LRRN2: variants seen among roughly 807,000 people sequenced by gnomAD.
LRRN2 encodes the protein leucine-rich repeat neuronal protein 2.
Under a neutral mutation model 35.7 loss-of-function variants are expected in LRRN2, and 10 were observed. The observed-to-expected ratio is 0.28, with a 90% CI of 0.17 to 0.47. The LOEUF (loss-of-function observed/expected upper bound fraction) is 0.47. Among genes scored for constraint, LRRN2 ranks in the 20% least tolerant of loss-of-function variants. The pLI is 0.99. For synonymous variants in LRRN2, 391 were observed against 409.6 expected (o/e 0.95, Z 0.55); for missense variants, 731 against 940.3 (o/e 0.78, Z 2.91).
chr1:204,682,600 C>A (rs1344694369), intron 1 of LRRN2, among the ~76,000 whole-genome samples: 1 of 152,220 alleles, frequency 6.6e-6, no homozygotes, highest in Non-Finnish European at 1.5e-5. Flanking sequence ...AGAAGGTTGT[C>A]AGCACGACTG....
At chr1:204,676,241 C>T (rs1174903224) in intron 1 of LRRN2, among the ~76,000 whole-genome samples, 1 of 151,934 alleles carries the variant, frequency 6.6e-6, no homozygotes, top group Non-Finnish European at 1.5e-5. Flanking sequence ...GGTGAGATAG[C>T]ATCTTGTCTT....
At chr1:204,662,667 G>C (rs748801092) in intron 1 of LRRN2, among the ~76,000 whole-genome samples, 7 of 152,204 alleles carry the variant, frequency 4.6e-5, no homozygotes, top group Non-Finnish European at 1.0e-4. Context: ...TTCTATGGAT[G>C]AACAATTGGT....
rs1272542072 is a variant in LRRN2 at position 204,634,707 on chromosome 1, C to T, written c.-226-14489G>A. Reference sequence around the variant, plus strand: ...GAATCCTCCTCTACAGGTTTCAGAGCGAGGATGGCCCTGCCGACACCTTGA... The same window carrying T: ...GAATCCTCCTCTACAGGTTTCAGAGTGAGGATGGCCCTGCCGACACCTTGA... On this transcript the variant is annotated intron_variant, in intron 1 of 1. Coordinates refer to ENST00000367177, the MANE Select transcript of LRRN2 (RefSeq NM_201630.2). Among the ~76,000 whole-genome samples, 7 of 152,252 alleles carry T rather than the reference C, an allele frequency of 4.6e-5. No homozygotes were observed. The East Asian group carries it at 5.8e-4, about 13-fold the overall frequency.
At chr1:204,623,028 T>C (rs868297177) in intron 1 of LRRN2, among the ~76,000 whole-genome samples, 8 of 152,216 alleles carry the variant, frequency 5.3e-5, no homozygotes, top group Admixed American at 2.0e-4. Context: ...TAGGGGACAA[T>C]AGAAGTTGGC....
rs932562500 is a variant in LRRN2 at position 204,620,011 on chromosome 1, G to T, written c.-19C>A. ...GCCTCATGGTGGAGCTGCAGGGCAG[G>T]GGACCATTCACAAGAAGAGTCTGGA... On this transcript the variant is annotated 5_prime_UTR_variant, in exon 2 of 2. Transcript: ENST00000367177. 3.8e-6 allele frequency: 6 copies of T among 1,594,914 alleles called. No individual in the cohort carries two copies. The African/African-American group carries it at 8.0e-5, about 21-fold the overall frequency.
intron 1 of LRRN2, among the ~76,000 whole-genome samples, chr1:204,668,423 C>T (rs912978957): frequency 6.6e-6 from 1 of 152,124 alleles, no homozygotes. Flanking sequence ...GGTGAAACCC[C>T]ATCTCTACTA....
At chr1:204,653,350 G>A (rs1312326423) in intron 1 of LRRN2, among the ~76,000 whole-genome samples, 1 of 152,174 alleles carries the variant, frequency 6.6e-6, no homozygotes, top group Non-Finnish European at 1.5e-5. Context: ...GAAGCCTGAG[G>A]CTGATTGCCT....
intron 1 of LRRN2, among the ~76,000 whole-genome samples, chr1:204,652,262 C>CCCCCTCCCCG (rs1668246645): frequency 5.0e-5 from 1 of 19,840 alleles, no homozygotes; most frequent in African/African-American, 1.2e-4. Flanking sequence ...TCTTCACCGC[C>CCCCCTCCCCG]CCCCCCCCGC....
At chr1:204,648,740 C>T (rs1270117666) in intron 1 of LRRN2, among the ~76,000 whole-genome samples, 2 of 152,222 alleles carry the variant, frequency 1.3e-5, no homozygotes, top group Non-Finnish European at 2.9e-5. Flanking sequence ...AAATAAGACC[C>T]ATCCCTGCCC....
chr1:204,619,948 A>C lies in LRRN2; in HGVS notation c.45T>G (p.Gly15=), dbSNP rs1666741932. 6 of 1,612,810 alleles carry C rather than the reference A, an allele frequency of 3.7e-6. No homozygotes were observed. The highest frequency in any genetic ancestry group is 5.1e-6 in the Non-Finnish European group (6 of 1,179,746). Residue 15 remains glycine, a synonymous_variant, in exon 2 of 2, where the codon GGT becomes GGG. Coordinates refer to ENST00000367177, the MANE Select transcript of LRRN2 (RefSeq NM_201630.2). ...VAPLLLAWVA[G]ATAAVPVVPW... ...GTACCACGGGCACAGCGGCAGTGGC[A>C]CCAGCCACCCAAGCTAGCAAGAGTG...
intron 1 of LRRN2, among the ~76,000 whole-genome samples, chr1:204,679,898 A>G (rs990633909): frequency 1.3e-5 from 2 of 152,074 alleles, no homozygotes; most frequent in African/African-American, 4.8e-5. Flanking sequence ...GGTCACAGAG[A>G]CCCTCTCTGA....
At position 204,651,214 on chromosome 1, in the gene LRRN2, G is replaced by C. The variant is rs555763226; in HGVS notation, c.-226-30996C>G. 5.9e-5 allele frequency among the ~76,000 whole-genome samples: 9 copies of C among 152,290 alleles called. No homozygotes were observed. In the South Asian group the frequency reaches 6.2e-4, roughly 11 times the overall value. ...AGCTGCCAGCCAGCATGGAAACAGG[G>C]ACCTCAGTCCTACAGCCACCTGAAT... is the stretch of plus-strand genomic sequence containing the variant. On this transcript the variant is annotated intron_variant, in intron 1 of 1. Transcript: ENST00000367177.
At chr1:204,659,578 A>C (rs1668428637) in intron 1 of LRRN2, among the ~76,000 whole-genome samples, 1 of 151,682 alleles carries the variant, frequency 6.6e-6, no homozygotes, top group Non-Finnish European at 1.5e-5. Flanking sequence ...AATGAGGTTT[A>C]AGGTGGTCAA....
intron 1 of LRRN2, among the ~76,000 whole-genome samples, chr1:204,682,651 C>A (rs1448098429): frequency 6.6e-6 from 1 of 152,216 alleles, no homozygotes; most frequent in Non-Finnish European, 1.5e-5. Flanking sequence ...TAGACTGGTG[C>A]ATAATAGGTA....
Position 204,619,317 on chromosome 1 carries a change from G to T in LRRN2, c.676C>A (p.Arg226=), listed in dbSNP as rs748558815. The T allele has an allele frequency of 1.8e-5, 29 of 1,614,072 alleles. No individual in the cohort carries two copies. The South Asian group carries it at 3.0e-4, about 16-fold the overall frequency. ...RSLVLAGMNL[R]EISDYALEGL... Reference sequence around the variant, plus strand: ...TCCAGGGCATAGTCGGAGATCTCCCGCAGGTTCATGCCTGCTAGCACCAGG... The same window carrying T: ...TCCAGGGCATAGTCGGAGATCTCCCTCAGGTTCATGCCTGCTAGCACCAGG... Residue 226 remains arginine, a synonymous_variant, in exon 2 of 2, where the codon CGG becomes AGG. Coordinates refer to ENST00000367177, the MANE Select transcript of LRRN2 (RefSeq NM_201630.2).
chr1:204,645,770 G>C (rs1043708561), intron 1 of LRRN2, among the ~76,000 whole-genome samples: 1 of 152,138 alleles, frequency 6.6e-6, no homozygotes, highest in Admixed American at 6.5e-5. Flanking sequence ...TCACAGGGCG[G>C]CAGGACGGAG....
intron 1 of LRRN2, among the ~76,000 whole-genome samples, chr1:204,680,020 C>T (rs188940791): frequency 1.3e-5 from 2 of 152,244 alleles, no homozygotes; most frequent in East Asian, 3.9e-4. Flanking sequence ...AGAGCACCCT[C>T]CAGGCCCAAG....
At position 204,655,594 on chromosome 1, in the gene LRRN2, C is replaced by G. The variant is rs573361740; in HGVS notation, c.-227+29726G>C. On this transcript the variant is annotated intron_variant, in intron 1 of 1. Coordinates refer to ENST00000367177, the MANE Select transcript of LRRN2 (RefSeq NM_201630.2). ...TACAGGCATGAGCCACCATGCCCAG[C>G]CAGGTGAGGTTTTTTTGTTTTTTTT... Among the ~76,000 whole-genome samples, 6 of 149,528 alleles carry G rather than the reference C, an allele frequency of 4.0e-5. No individual in the cohort carries two copies. In the South Asian group the frequency reaches 1.3e-3, roughly 33 times the overall value.
rs777069159 is a variant in LRRN2, at chr1:204,618,603, G to A, written c.1390C>T (p.Arg464Ter). 3.1e-6 allele frequency: 5 copies of A among 1,613,910 alleles called. No individual in the cohort carries two copies. Among genetic ancestry groups the A allele is most frequent in the Non-Finnish European group, 4.2e-6 (5 of 1,179,966 alleles). ...CTGCCTGCATGGGCAGGTGTCAGTC[G>A]AAGCCCAGCTGGAGTGACCCAGTAG... The part of the protein sequence containing the change: ...EIYWVTPAGL[R>*]LTPAHAGRRY... The change falls in exon 2 of 2, where the codon CGA becomes TGA. Residue 464 changes from arginine (R) to a stop codon, truncating the protein, a stop_gained. Coordinates refer to ENST00000367177, the MANE Select transcript of LRRN2 (RefSeq NM_201630.2). LOFTEE classifies it high-confidence loss of function.
Sources: allele counts gnomAD v4.1 joint callset (sites outside exome capture counted in the v4.1 genomes callset), GRCh38; gene constraint gnomAD v4.1.1; transcripts MANE v1.5; gene names NCBI Gene and HGNC (gene_info 2026-07-23, HGNC 2026-07-21).